GALNTL6: variants seen among roughly 807,000 people sequenced by gnomAD.
GALNTL6 encodes polypeptide N-acetylgalactosaminyltransferase like 6.
Under a neutral mutation model 73.7 loss-of-function variants are expected in GALNTL6, and 46 were observed. The observed-to-expected ratio is 0.62, with a 90% CI of 0.49 to 0.80. The LOEUF (loss-of-function observed/expected upper bound fraction) is 0.80. Ranked by LOEUF, GALNTL6 falls within the 30% of genes least tolerant of loss-of-function variation. The pLI is 0.00. For missense variants in GALNTL6, 604 were observed against 755.0 expected, an observed-to-expected ratio of 0.80 and a Z score of 2.34; for synonymous variants, 259 against 263.7, an observed-to-expected ratio of 0.98 and a Z score of 0.17.
intron 2 of GALNTL6, among the ~76,000 whole-genome samples, chr4:172,170,505 G>A (rs982816954): frequency 7.2e-6 from 1 of 139,046 alleles, no homozygotes; most frequent in African/African-American, 2.8e-5. Flanking sequence ...AGTTTCTTTG[G>A]TGGTTTTTTT....
At chr4:171,867,829 A>C (rs1325071145) in intron 2 of GALNTL6, among the ~76,000 whole-genome samples, 1 of 152,128 alleles carries the variant, frequency 6.6e-6, no homozygotes, top group African/African-American at 2.4e-5. Context: ...CTAACAGCTC[A>C]CTACTATGCT....
At chr4:172,193,427 C>G (rs1175913932) in intron 2 of GALNTL6, among the ~76,000 whole-genome samples, 1 of 152,114 alleles carries the variant, frequency 6.6e-6, no homozygotes, top group East Asian at 1.9e-4. Flanking sequence ...ACCACAGCAG[C>G]CTGGCAAAGA....
chr4:172,136,555 AAAT>A (rs1733642541), intron 2 of GALNTL6, among the ~76,000 whole-genome samples: 1 of 152,040 alleles, frequency 6.6e-6, no homozygotes, highest in Admixed American at 6.5e-5. Context: ...AAAGATCAGA[AAAT>A]GTTTAAAATG....
intron 2 of GALNTL6, among the ~76,000 whole-genome samples, chr4:172,180,732 C>T (rs1166898341): frequency 6.6e-6 from 1 of 152,110 alleles, no homozygotes; most frequent in Non-Finnish European, 1.5e-5. Flanking sequence ...TTGTTTTTGT[C>T]AGGTTTGTCA....
At chr4:172,131,674 C>CT (rs1560935519) in intron 2 of GALNTL6, among the ~76,000 whole-genome samples, 1 of 151,676 alleles carries the variant, frequency 6.6e-6, no homozygotes. Flanking sequence ...CAGATTTCAT[C>CT]TAGGTAGCAT....
intron 2 of GALNTL6, among the ~76,000 whole-genome samples, chr4:172,050,409 A>T (rs1048667398): frequency 6.6e-6 from 1 of 152,206 alleles, no homozygotes; most frequent in Non-Finnish European, 1.5e-5. Flanking sequence ...TCATATTTAG[A>T]TTTAAAGTTC....
chr4:171,942,241 G>GATAAATAAATAAATAAATAC, intron 2 of GALNTL6, among the ~76,000 whole-genome samples: 1 of 30,206 alleles, frequency 3.3e-5, no homozygotes, highest in Non-Finnish European at 2.1e-4. Flanking sequence ...AAAATAAATA[G>GATAAATAAATAAATAAATAC]ATAAATAAAT....
chr4:172,957,043 C>G (rs1207637842), intron 10 of GALNTL6, among the ~76,000 whole-genome samples: 1 of 152,148 alleles, frequency 6.6e-6, no homozygotes, highest in Non-Finnish European at 1.5e-5. Flanking sequence ...AAGGCCTCTA[C>G]CTATCCAGTG....
intron 5 of GALNTL6, among the ~76,000 whole-genome samples, chr4:172,723,631 C>T (rs1394809828): frequency 6.6e-6 from 1 of 151,992 alleles, no homozygotes; most frequent in African/African-American, 2.4e-5. Context: ...GAATGAATGG[C>T]TAATGTGTTG....
chr4:171,910,571 T>A (rs1737446720), intron 2 of GALNTL6, among the ~76,000 whole-genome samples: 1 of 147,676 alleles, frequency 6.8e-6, no homozygotes, highest in African/African-American at 2.5e-5. Context: ...TCTACATTCT[T>A]AAAAAAAAAA....
chr4:172,038,353 T>A (rs187489381), intron 2 of GALNTL6, among the ~76,000 whole-genome samples: 1 of 152,268 alleles, frequency 6.6e-6, no homozygotes, highest in East Asian at 1.9e-4. Flanking sequence ...TTAAATAGAT[T>A]GTCTTTTCTT....
chr4:172,482,057 C>T (rs775250050), intron 5 of GALNTL6, among the ~76,000 whole-genome samples: 20 of 152,224 alleles, frequency 1.3e-4, no homozygotes, highest in Non-Finnish European at 2.5e-4. Flanking sequence ...TCGAGCGCAG[C>T]GCAGGTGGCC....
chr4:172,385,508 CT>C (rs1410644056), intron 5 of GALNTL6, among the ~76,000 whole-genome samples: 24 of 151,910 alleles, frequency 1.6e-4, no homozygotes, highest in Middle Eastern at 3.4e-3. Flanking sequence ...ATAATTGACC[CT>C]TTTTTCATTA....
chr4:172,375,583 A>G (rs1004728396), intron 5 of GALNTL6, among the ~76,000 whole-genome samples: 2 of 152,146 alleles, frequency 1.3e-5, no homozygotes, highest in African/African-American at 2.4e-5. Flanking sequence ...AGCAGCAGAA[A>G]CAACCCCTAC....
intron 8 of GALNTL6, among the ~76,000 whole-genome samples, chr4:172,902,195 G>A (rs971397611): frequency 6.6e-6 from 1 of 152,080 alleles, no homozygotes; most frequent in Non-Finnish European, 1.5e-5. Flanking sequence ...TACTGTTTAA[G>A]TTACTAAAAT....
At chr4:171,901,565 T>A (rs1737096520) in intron 2 of GALNTL6, among the ~76,000 whole-genome samples, 1 of 152,204 alleles carries the variant, frequency 6.6e-6, no homozygotes, top group South Asian at 2.1e-4. Flanking sequence ...AGGAGGCATC[T>A]CAGGACCAGA....
intron 2 of GALNTL6, among the ~76,000 whole-genome samples, chr4:171,909,851 A>C (rs535437663): frequency 6.6e-6 from 1 of 152,306 alleles, no homozygotes; most frequent in African/African-American, 2.4e-5. Flanking sequence ...TTCAGTATTT[A>C]GGCAGACTGC....
intron 2 of GALNTL6, among the ~76,000 whole-genome samples, chr4:171,934,250 T>C (rs1738274375): frequency 6.6e-6 from 1 of 152,182 alleles, no homozygotes; most frequent in Non-Finnish European, 1.5e-5. Context: ...CAAATATATG[T>C]AAATATTTAG....
At chr4:172,286,348 A>G (rs1178568664) in intron 3 of GALNTL6, among the ~76,000 whole-genome samples, 1 of 152,062 alleles carries the variant, frequency 6.6e-6, no homozygotes, top group Non-Finnish European at 1.5e-5. Context: ...TTGTGGGAGG[A>G]AACAGTGGCT....
Sources: allele counts gnomAD v4.1 joint callset (sites outside exome capture counted in the v4.1 genomes callset), GRCh38; gene constraint gnomAD v4.1.1; transcripts MANE v1.5; gene names NCBI Gene and HGNC (gene_info 2026-07-23, HGNC 2026-07-21).